The following HLA-DOB variants were observed in gnomAD, a reference collection of about 807,000 sequenced individuals.
HLA-DOB encodes HLA class II histocompatibility antigen, DO beta chain.
HLA-DOB carries 25 observed loss-of-function variants against 27.7 expected under a neutral mutation model. The observed-to-expected ratio is 0.90, with a 90% CI of 0.66 to 1.26. The LOEUF is 1.26. Ranked by LOEUF, HLA-DOB falls within the 50% of genes most tolerant of loss-of-function variation. The pLI is 0.00. For synonymous variants in HLA-DOB, 137 were observed against 125.6 expected, an observed-to-expected ratio of 1.09 and a Z score of -0.61; for missense variants, 306 against 324.9, an observed-to-expected ratio of 0.94 and a Z score of 0.45.
chr6:32,814,466 G>C lies in HLA-DOB; in HGVS notation c.497C>G (p.Ala166Gly). 6.2e-7 allele frequency: 1 copy of C among 1,613,058 alleles called. No homozygotes were observed. Among genetic ancestry groups the C allele is most frequent in the Non-Finnish European group, 8.5e-7 (1 of 1,180,024 alleles). ...GATAGGGCCAGTGGACATGACCCCAGCTCTCTCCTCCTGCCCATTCAGGAA... is the reference window on the plus strand; with the variant it reads ...GATAGGGCCAGTGGACATGACCCCACCTCTCTCCTCCTGCCCATTCAGGAA... ...KWFLNGQEER[A>G]GVMSTGPIRN... is the part of the protein sequence containing the mutation. Residue 166 changes from alanine (A) to glycine (G), a missense_variant, in exon 3 of 6, where the codon GCT becomes GGT. Transcript: ENST00000438763.
At chr6:32,814,733 T>C in intron 2 of HLA-DOB, 132 bp from the exon 3 acceptor site, 1 of 870,434 alleles carries the variant, frequency 1.1e-6, no homozygotes, top group Non-Finnish European at 1.8e-6. Context: ...TAGGCAAGTC[T>C]CAGCCCCCAA....
At chr6:32,814,285 G>A in intron 3 of HLA-DOB, 35 bp downstream of exon 3, 1 of 1,600,262 alleles carries the variant, frequency 6.2e-7, no homozygotes, top group Non-Finnish European at 8.5e-7. Flanking sequence ...ATAGTCCTGA[G>A]TCAGGCCCAG....
At chr6:32,813,411 A>T (rs761408409) in intron 5 of HLA-DOB, 29 bp downstream of exon 5, 3 of 1,611,378 alleles carry the variant, frequency 1.9e-6, no homozygotes, top group Non-Finnish European at 2.5e-6. Context: ...ATGATCTGCC[A>T]CTCAAAGACA....
chr6:32,814,146 C>A, intron 3 of HLA-DOB, 174 bp downstream of exon 3: 1 of 633,966 alleles, frequency 1.6e-6, no homozygotes, highest in Non-Finnish European at 2.7e-6. Context: ...GGATAGATAT[C>A]TGCCATGTTT....
chr6:32,813,687 G>A (rs1582524741), intron 4 of HLA-DOB, 36 bp downstream of exon 4: 6 of 1,372,278 alleles, frequency 4.4e-6, no homozygotes, highest in Non-Finnish European at 6.1e-6. Flanking sequence ...GGAAGGTCTG[G>A]GACAGGTGGC....
In HLA-DOB at chr6:32,815,081, G is replaced by T. The variant is rs148406921; in HGVS notation, c.324C>A (p.Asn108Lys). 1 of 1,614,230 alleles carries T rather than the reference G, an allele frequency of 6.2e-7. No individual in the cohort carries two copies. The highest frequency in any genetic ancestry group is 8.5e-7 in the Non-Finnish European group (1 of 1,180,044). The change falls in exon 2 of 6, where the codon AAC becomes AAA. Residue 108 changes from asparagine (N) to lysine (K), a missense_variant. Coordinates refer to ENST00000438763, the MANE Select transcript of HLA-DOB (RefSeq NM_002120.4). ...RQAVDGVCRHNYRLGAPFTVG... is the reference protein window; with the variant it reads ...RQAVDGVCRHKYRLGAPFTVG... ...CAGTGAAGGGTGCGCCCAGCCTGTA[G>T]TTGTGTCTACAGACCCCATCCACGG...
In HLA-DOB at chr6:32,814,518, A is replaced by G. The variant is rs377749967; in HGVS notation, c.445T>C (p.Tyr149His). The G allele has an allele frequency of 5.1e-5, 83 of 1,612,970 alleles. No homozygotes were observed. The highest frequency in any genetic ancestry group is 6.7e-5 in the Non-Finnish European group (79 of 1,180,020). The change falls in exon 3 of 6, where the codon TAT becomes CAT. Residue 149 changes from tyrosine to histidine, a missense_variant. Transcript: ENST00000438763. ...NLLHCSVTGF[Y>H]PGDIKIKWFL... is the part of the protein sequence containing the mutation. ...CACTTGATCTTGATATCCCCTGGAT[A>G]GAAGCCTGTCACAGAGCAGTGCAGC...
At position 32,813,919 on chromosome 6, in the gene HLA-DOB, A is replaced by G. The variant is rs1028255598; in HGVS notation, c.644-86T>C. On this transcript the variant is annotated intron_variant, in intron 3 of 5. Coordinates refer to ENST00000438763, the MANE Select transcript of HLA-DOB (RefSeq NM_002120.4). ...AATCCCAGAATCTGTACTAGACACC[A>G]AATCCAATGCTAGCTAGAGAAAAAT... 4.9e-6 allele frequency: 4 copies of G among 824,170 alleles called. No individual in the cohort carries two copies. The African/African-American group carries it at 5.2e-5, about 11-fold the overall frequency. The allele number at this position is 824,170 out of a possible 1,614,324, so 51.1% of individuals were successfully genotyped here.
Position 32,815,070 on chromosome 6 carries a change from C to A in HLA-DOB, c.335G>T (p.Gly112Val). The change falls in exon 2 of 6, where the codon GGC becomes GTC. Residue 112 changes from glycine to valine, a missense_variant. Coordinates refer to ENST00000438763, the MANE Select transcript of HLA-DOB (RefSeq NM_002120.4). ...TTTTCTCCCCACAGTGAAGGGTGCG[C>A]CCAGCCTGTAGTTGTGTCTACAGAC... The part of the protein sequence containing the change: ...DGVCRHNYRL[G>V]APFTVGRKVQ... The A allele has an allele frequency of 6.2e-7, 1 of 1,614,192 alleles. No individual in the cohort carries two copies. The highest frequency in any genetic ancestry group is 8.5e-7 in the Non-Finnish European group (1 of 1,180,034).
intron 1 of HLA-DOB, 38 bp from the exon 2 acceptor site, chr6:32,815,351 C>T (rs1164075670): frequency 3.1e-6 from 5 of 1,611,394 alleles, no homozygotes; most frequent in East Asian, 2.2e-5. Context: ...CCAGCCCCCT[C>T]CTCTGGGAAA....
At chr6:32,813,666 G>T in intron 4 of HLA-DOB, 57 bp downstream of exon 4, 1 of 1,219,326 alleles carries the variant, frequency 8.2e-7, no homozygotes, top group African/African-American at 1.5e-5. Flanking sequence ...CGTTAGGGAA[G>T]GTGGGAGTGG....
At chr6:32,814,173 A>C (rs1582525766) in intron 3 of HLA-DOB, 147 bp downstream of exon 3, 3 of 752,772 alleles carry the variant, frequency 4.0e-6, no homozygotes, top group Non-Finnish European at 6.5e-6. Flanking sequence ...ACCCTAACCC[A>C]AGGACTCTGG....
intron 1 of HLA-DOB, among the ~76,000 whole-genome samples, chr6:32,816,430 T>C (rs1435449180): frequency 6.6e-6 from 1 of 152,222 alleles, no homozygotes; most frequent in Non-Finnish European, 1.5e-5. Flanking sequence ...GAGCAACCTT[T>C]GTTTCCAGTT....
intron 3 of HLA-DOB, 132 bp downstream of exon 3, chr6:32,814,188 T>C (rs2127324178): frequency 1.1e-6 from 1 of 881,662 alleles, no homozygotes; most frequent in Non-Finnish European, 1.7e-6. Context: ...CTCTGGTTTC[T>C]GTGACTGTCC....
At position 32,813,609 on chromosome 6, in the gene HLA-DOB, G is replaced by A. The variant is rs930747618; in HGVS notation, c.754+114C>T. Reference sequence around the variant, plus strand: ...CTAGCTTCAGAAAAAAATTATCCCGGTGATCCCTGAGAGGCACAATCAGCT... The same window carrying A: ...CTAGCTTCAGAAAAAAATTATCCCGATGATCCCTGAGAGGCACAATCAGCT... On this transcript the variant is annotated intron_variant, in intron 4 of 5. Coordinates refer to ENST00000438763, the MANE Select transcript of HLA-DOB (RefSeq NM_002120.4). The A allele has an allele frequency of 4.4e-5, 53 of 1,206,234 alleles. 2 individuals carry two copies. The highest frequency in any genetic ancestry group is 2.9e-4 in the East Asian group (12 of 40,920). 74.7% of individuals were successfully genotyped at this position (1,206,234 alleles called of 1,614,324 possible).
chr6:32,816,789 C>A lies in HLA-DOB; in HGVS notation c.91+72G>T, dbSNP rs556145564. ...CAGTCTGGTCTGTGGCCTGGACTTA[C>A]AAAGAAAGGCATCACTCCCCCATGC... On this transcript the variant is annotated intron_variant, in intron 1 of 5. Transcript: ENST00000438763. 3.5e-4 allele frequency: 432 copies of A among 1,249,066 alleles called. 1 individual carries two copies. Among genetic ancestry groups the A allele is most frequent in the Admixed American group, 2.1e-3 (117 of 56,218 alleles). 77.4% of individuals were successfully genotyped at this position (1,249,066 alleles called of 1,614,324 possible).
chr6:32,816,984 T>G lies in HLA-DOB; in HGVS notation c.-33A>C. On this transcript the variant is annotated 5_prime_UTR_variant, in exon 1 of 6. Coordinates refer to ENST00000438763, the MANE Select transcript of HLA-DOB (RefSeq NM_002120.4). ...AAAGGAAAAAAATGAGATAGTAAAA[T>G]CGTCAGCCTCTTCAGAATGAGCTCA... 1 of 1,465,812 alleles carries G rather than the reference T, an allele frequency of 6.8e-7. No homozygotes were observed. Among genetic ancestry groups the G allele is most frequent in the Non-Finnish European group, 9.6e-7 (1 of 1,046,770 alleles). The allele number at this position is 1,465,812 out of a possible 1,614,324, so 90.8% of individuals were successfully genotyped here.
chr6:32,813,319 AG>A, intron 5 of HLA-DOB, 68 bp from the exon 6 acceptor site: 1 of 1,591,742 alleles, frequency 6.3e-7, no homozygotes, highest in Non-Finnish European at 8.6e-7. Context: ...CCAGAGACTC[AG>A]GGGACAGTCC....
At chr6:32,813,647 G>C (rs1283201085) in intron 4 of HLA-DOB, 76 bp downstream of exon 4, 2 of 1,192,460 alleles carry the variant, frequency 1.7e-6, no homozygotes, top group Admixed American at 2.0e-5. Flanking sequence ...CCTTGCCTCA[G>C]ATCATTGACG....
Sources: gnomAD v4.1 joint callset for allele counts (sites outside exome capture counted in the v4.1 genomes callset) on GRCh38, gnomAD v4.1.1 for gene constraint, MANE v1.5 for transcripts, NCBI Gene and HGNC (gene_info 2026-07-23, HGNC 2026-07-21) for gene names.